LZTS1: variants seen among roughly 807,000 people sequenced by gnomAD.
LZTS1 encodes the protein leucine zipper tumor suppressor 1.
In LZTS1, 31 loss-of-function variants were observed where a neutral mutation model predicts 45.8. The ratio of observed to expected loss-of-function variants is 0.68; its 90% CI spans 0.51 to 0.91. The LOEUF (loss-of-function observed/expected upper bound fraction) is 0.91. Ranked by LOEUF, LZTS1 falls within the 40% of genes least tolerant of loss-of-function variation. LZTS1 has a pLI of 0.00. For missense variants in LZTS1, 821 were observed against 788.9 expected (o/e 1.04, Z -0.49); for synonymous variants, 359 against 357.3 (o/e 1.00, Z -0.05).
intron 1 of LZTS1, among the ~76,000 whole-genome samples, chr8:20,272,546 C>T (rs1205749979): frequency 2.6e-5 from 4 of 152,182 alleles, no homozygotes; most frequent in African/African-American, 7.2e-5. Context: ...CCCCTAGCTG[C>T]CCTGTGCTTC....
At chr8:20,284,740 A>T (rs1027531668) in intron 1 of LZTS1, among the ~76,000 whole-genome samples, 1 of 151,830 alleles carries the variant, frequency 6.6e-6, no homozygotes, top group Admixed American at 6.6e-5. Context: ...TGTAATGACA[A>T]CCCCCAAGGC....
At chr8:20,262,995 T>C (rs150941973) in intron 1 of LZTS1, among the ~76,000 whole-genome samples, 20 of 152,350 alleles carry the variant, frequency 1.3e-4, no homozygotes, top group African/African-American at 2.6e-4. Context: ...CCCTGCCACA[T>C]GACTTCAGTA....
At chr8:20,259,598 G>T (rs145861918) in intron 1 of LZTS1, among the ~76,000 whole-genome samples, 1 of 152,078 alleles carries the variant, frequency 6.6e-6, no homozygotes, top group East Asian at 1.9e-4. Context: ...ACCTTGTCCC[G>T]CCATGTCCCA....
intron 1 of LZTS1, among the ~76,000 whole-genome samples, chr8:20,270,491 G>T (rs1800449707): frequency 6.6e-6 from 1 of 152,224 alleles, no homozygotes; most frequent in African/African-American, 2.4e-5. Context: ...GAACTTTGGA[G>T]CTTGTGAGTT....
intron 1 of LZTS1, among the ~76,000 whole-genome samples, chr8:20,299,781 C>T (rs904568082): frequency 1.3e-5 from 2 of 152,206 alleles, no homozygotes; most frequent in Non-Finnish European, 2.9e-5. Flanking sequence ...TAGCAATTCA[C>T]ACTCTCAACT....
At chr8:20,263,878 T>C (rs1463369868) in intron 1 of LZTS1, among the ~76,000 whole-genome samples, 2 of 152,130 alleles carry the variant, frequency 1.3e-5, no homozygotes, top group African/African-American at 4.8e-5. Context: ...GTTTAATAAA[T>C]TTTTGAGATA....
At position 20,250,068 on chromosome 8, in the gene LZTS1, G is replaced by T. The variant is rs765792708; in HGVS notation, c.1445C>A (p.Ala482Asp). ...CGGCCCCATGTCGCGGGCCAGGGCG[G>T]CCTGGGCCCGCAGCTCCTGCAGCTC... Reference protein sequence around the residue: ...EQELQELRAQAALARDMGPPT... With the variant: ...EQELQELRAQDALARDMGPPT... Residue 482 changes from alanine (A) to aspartate (D), a missense_variant, in exon 4 of 4, where the codon GCC (alanine) becomes GAC (aspartate). Coordinates refer to ENST00000381569, the MANE Select transcript of LZTS1 (RefSeq NM_021020.5). 6.2e-6 allele frequency: 10 copies of T among 1,607,214 alleles called. No homozygotes were observed. The South Asian group carries it at 8.8e-5, about 14-fold the overall frequency.
At chr8:20,250,957 G>A (rs1585273094) in intron 3 of LZTS1, among the ~76,000 whole-genome samples, 1 of 151,388 alleles carries the variant, frequency 6.6e-6, no homozygotes, top group South Asian at 2.1e-4. Flanking sequence ...GTTATTAAGT[G>A]CCAAGCCATA....
At chr8:20,278,789 G>A (rs1381613051) in intron 1 of LZTS1, among the ~76,000 whole-genome samples, 1 of 152,134 alleles carries the variant, frequency 6.6e-6, no homozygotes, top group Non-Finnish European at 1.5e-5. Flanking sequence ...CTTCCACATT[G>A]CAGCAACTAG....
chr8:20,278,169 T>C (rs1800621193), intron 1 of LZTS1, among the ~76,000 whole-genome samples: 1 of 152,196 alleles, frequency 6.6e-6, no homozygotes, highest in African/African-American at 2.4e-5. Context: ...TAGAAACACC[T>C]GAAGCTGGTG....
At chr8:20,294,274 A>G (rs558509333) in intron 1 of LZTS1, among the ~76,000 whole-genome samples, 2 of 152,368 alleles carry the variant, frequency 1.3e-5, no homozygotes, top group Non-Finnish European at 2.9e-5. Context: ...GTGGAAGCCC[A>G]GAGAAGCCAA....
At position 20,286,266 on chromosome 8, in the gene LZTS1, T is replaced by C. The variant is rs144770678; in HGVS notation, c.-135+17474A>G. Among the ~76,000 whole-genome samples, 136 of 152,270 alleles carry C rather than the reference T, an allele frequency of 8.9e-4. 1 individual carries two copies. The highest frequency in any genetic ancestry group is 3.1e-3 in the African/African-American group (129 of 41,558). ...CTGACAAAGTACTCATATCAGAACA[T>C]AGAAAACAATTCTCGTAAATCTCTA... On this transcript the variant is annotated intron_variant, in intron 1 of 3. Coordinates refer to ENST00000381569, the MANE Select transcript of LZTS1 (RefSeq NM_021020.5).
At position 20,252,934 on chromosome 8, in the gene LZTS1, G is replaced by C. The variant is rs376509568; in HGVS notation, c.997C>G (p.Leu333Val). The stretch of plus-strand genomic sequence containing the variant: ...TCCTGCTGAAGCTGCAGTACCTGCA[G>C]GTGCAGGACCTGCTGCGCGCGCTGG... ...KSQRAQQVLHLQVLQLQQEKR... is the reference protein window; with the variant it reads ...KSQRAQQVLHVQVLQLQQEKR... Residue 333 changes from leucine to valine, a missense_variant, in exon 3 of 4, where the codon CTG (leucine) becomes GTG (valine). Physicochemically the swap from Leu to Val is conservative, Grantham distance 32 (BLOSUM62 1). Transcript: ENST00000381569. The C allele has an allele frequency of 8.7e-6, 14 of 1,604,868 alleles. No homozygotes were observed. The highest frequency in any genetic ancestry group is 3.4e-5 in the Admixed American group (2 of 59,014).
At chr8:20,297,471 G>C (rs915529769) in intron 1 of LZTS1, among the ~76,000 whole-genome samples, 1 of 152,202 alleles carries the variant, frequency 6.6e-6, no homozygotes. Context: ...TTGCAGTGCA[G>C]TGGTGCGATC....
At chr8:20,299,675 T>C (rs1036394054) in intron 1 of LZTS1, among the ~76,000 whole-genome samples, 12 of 151,864 alleles carry the variant, frequency 7.9e-5, no homozygotes, top group Admixed American at 2.6e-4. Context: ...AATTCCTATA[T>C]GAGAAATAAC....
At chr8:20,282,138 C>T (rs927432129) in intron 1 of LZTS1, among the ~76,000 whole-genome samples, 4 of 152,206 alleles carry the variant, frequency 2.6e-5, no homozygotes, top group Admixed American at 2.0e-4. Flanking sequence ...CGAGGGTCCA[C>T]AGTCCTTTGA....
intron 1 of LZTS1, among the ~76,000 whole-genome samples, chr8:20,283,931 C>G (rs963809883): frequency 2.6e-5 from 4 of 152,194 alleles, no homozygotes; most frequent in Non-Finnish European, 5.9e-5. Flanking sequence ...GTCAGCAAAT[C>G]AGGCTTCCAC....
At chr8:20,296,941 T>G (rs1446207654) in intron 1 of LZTS1, among the ~76,000 whole-genome samples, 1 of 152,194 alleles carries the variant, frequency 6.6e-6, no homozygotes, top group Non-Finnish European at 1.5e-5. Flanking sequence ...CTGGATTGAT[T>G]AGATCAATTA....
rs533516875 is a variant in LZTS1 at position 20,267,329 on chromosome 8, G to T, written c.-134-12014C>A. ...TTGGGGGCTGGATAGCAGAGGTGCG[G>T]GAGTTGGGGTAGGAGGGCGGTGCTG... is the stretch of plus-strand genomic sequence containing the variant. On this transcript the variant is annotated intron_variant, in intron 1 of 3. Transcript: ENST00000381569. 6.6e-5 allele frequency among the ~76,000 whole-genome samples: 10 copies of T among 152,010 alleles called. No individual in the cohort carries two copies. In the Middle Eastern group the frequency reaches 0.01, roughly 155 times the overall value.
Sources: allele counts gnomAD v4.1 joint callset (sites outside exome capture counted in the v4.1 genomes callset), GRCh38; gene constraint gnomAD v4.1.1; transcripts MANE v1.5; gene names NCBI Gene and HGNC (gene_info 2026-07-23, HGNC 2026-07-21).